ARK2C: variants seen among roughly 807,000 people sequenced by gnomAD.
ARK2C encodes E3 ubiquitin-protein ligase ARK2C.
chr18:46,376,726 C>T, the ARK2C span, among the ~76,000 whole-genome samples: 1 of 118,924 alleles, frequency 8.4e-6, no homozygotes, highest in Non-Finnish European at 1.6e-5. Context: ...GGCTGGAGTG[C>T]AGTGGTGCAA....
At chr18:46,367,972 T>A in the ARK2C span, among the ~76,000 whole-genome samples, 201 of 152,340 alleles carry the variant, frequency 1.3e-3, 1 homozygote, top group African/African-American at 4.8e-3. Context: ...AGTCTCCAAG[T>A]GTGGTGCCCT....
chr18:46,414,133 C>T, the ARK2C span, among the ~76,000 whole-genome samples: 8 of 152,200 alleles, frequency 5.3e-5, no homozygotes, highest in Non-Finnish European at 1.0e-4. Flanking sequence ...TCGTTATGCT[C>T]ATTTTGCAGG....
the ARK2C span, among the ~76,000 whole-genome samples, chr18:46,394,466 G>T: frequency 6.6e-6 from 1 of 152,110 alleles, no homozygotes. Flanking sequence ...GCATCTCTGG[G>T]GATGTGCAGT....
chr18:46,405,393 CA>C, the ARK2C span, among the ~76,000 whole-genome samples: 1 of 152,242 alleles, frequency 6.6e-6, no homozygotes, highest in Admixed American at 6.5e-5. Flanking sequence ...AATGTGCAGG[CA>C]GCATAGACCA....
At chr18:46,455,953 T>G in the ARK2C span, 1 of 1,520,446 alleles carries the variant, frequency 6.6e-7, no homozygotes, top group Non-Finnish European at 9.1e-7. Context: ...TAATGAATAC[T>G]ACTCTCTCTG....
the ARK2C span, among the ~76,000 whole-genome samples, chr18:46,395,097 G>A: frequency 1.3e-5 from 2 of 152,236 alleles, no homozygotes; most frequent in African/African-American, 2.4e-5. Flanking sequence ...TGAAGTCAAC[G>A]CTGACTAGCT....
At chr18:46,341,657 T>C in the ARK2C span, among the ~76,000 whole-genome samples, 4 of 152,244 alleles carry the variant, frequency 2.6e-5, no homozygotes, top group South Asian at 2.1e-4. Context: ...ACTTCAACAA[T>C]AAAAATTCCT....
the ARK2C span, among the ~76,000 whole-genome samples, chr18:46,383,556 T>TG: frequency 7.0e-6 from 1 of 143,646 alleles, no homozygotes; most frequent in Non-Finnish European, 1.5e-5. Flanking sequence ...CTCTGTTTTT[T>TG]TTTTTTTTTT....
At chr18:46,460,200 A>C in the ARK2C span, 2 of 152,606 alleles carry the variant, frequency 1.3e-5, no homozygotes, top group African/African-American at 4.8e-5. Flanking sequence ...AGAAAAAAGC[A>C]CCAGACTTTT....
the ARK2C span, among the ~76,000 whole-genome samples, chr18:46,419,433 T>G: frequency 6.6e-6 from 1 of 152,114 alleles, no homozygotes; most frequent in African/African-American, 2.4e-5. Context: ...CACAACATGC[T>G]TGTTTTGCAG....
At chr18:46,366,823 A>G in the ARK2C span, among the ~76,000 whole-genome samples, 5 of 152,228 alleles carry the variant, frequency 3.3e-5, no homozygotes, top group African/African-American at 1.2e-4. Context: ...ACTACCTGCC[A>G]TAAGTCAGAC....
chr18:46,374,364 A>G, the ARK2C span, among the ~76,000 whole-genome samples: 1 of 152,088 alleles, frequency 6.6e-6, no homozygotes, highest in East Asian at 1.9e-4. Flanking sequence ...CCATCTCCAG[A>G]ACTTTCTCAC....
chr18:46,398,561 T>C, the ARK2C span, among the ~76,000 whole-genome samples: 1 of 151,740 alleles, frequency 6.6e-6, no homozygotes, highest in Non-Finnish European at 1.5e-5. Context: ...GGGACTTTAG[T>C]GCTAGAGGAA....
the ARK2C span, among the ~76,000 whole-genome samples, chr18:46,400,754 C>T: frequency 6.6e-6 from 1 of 152,134 alleles, no homozygotes; most frequent in African/African-American, 2.4e-5. Context: ...TAAATTGTGT[C>T]GGCTTTCAGT....
At chr18:46,417,216 C>T in the ARK2C span, among the ~76,000 whole-genome samples, 1 of 152,250 alleles carries the variant, frequency 6.6e-6, no homozygotes, top group Admixed American at 6.5e-5. Context: ...ATCATCTCTT[C>T]CCTGGTTCCT....
chr18:46,424,801 T>C, the ARK2C span, among the ~76,000 whole-genome samples: 2 of 152,210 alleles, frequency 1.3e-5, no homozygotes, highest in Non-Finnish European at 2.9e-5. Context: ...TGCCCTGGCC[T>C]TTGGGACAGA....
At chr18:46,374,525 T>G in the ARK2C span, among the ~76,000 whole-genome samples, 1 of 152,232 alleles carries the variant, frequency 6.6e-6, no homozygotes, top group South Asian at 2.1e-4. Flanking sequence ...CTTGTCCTTC[T>G]GTGTCTGGTT....
At chr18:46,397,660 G>A in the ARK2C span, among the ~76,000 whole-genome samples, 1 of 135,982 alleles carries the variant, frequency 7.4e-6, no homozygotes, top group Non-Finnish European at 1.6e-5. Context: ...TCATGCTGGG[G>A]CAGAATTGTG....
At chr18:46,365,578 A>G in the ARK2C span, among the ~76,000 whole-genome samples, 2 of 152,288 alleles carry the variant, frequency 1.3e-5, no homozygotes, top group Non-Finnish European at 2.9e-5. Context: ...ATCTTGGCTC[A>G]CTGCAACTTC....
Sources: allele counts gnomAD v4.1 joint callset (sites outside exome capture counted in the v4.1 genomes callset), GRCh38; gene constraint gnomAD v4.1.1; transcripts MANE v1.5; gene names NCBI Gene and HGNC (gene_info 2026-07-23, HGNC 2026-07-21).